Variants in SIPA1L1 observed in about 807,000 individuals in gnomAD.
SIPA1L1 encodes the protein signal-induced proliferation-associated 1-like protein 1.
SIPA1L1 carries 26 observed loss-of-function variants against 162.7 expected under a neutral mutation model. That is an observed-to-expected ratio of 0.16 (90% CI 0.12 to 0.22). The LOEUF is 0.22. SIPA1L1 is among the 10% of genes least tolerant of loss of function. The pLI is 1.00. For missense variants in SIPA1L1, 1,874 were observed against 2,241.0 expected (o/e 0.84, Z 3.31); for synonymous variants, 829 against 837.4 (o/e 0.99, Z 0.17).
At chr14:71,457,731 A>T (rs2046293838) in intron 2 of SIPA1L1, among the ~76,000 whole-genome samples, 1 of 151,920 alleles carries the variant, frequency 6.6e-6, no homozygotes, top group Non-Finnish European at 1.5e-5. Flanking sequence ...AGTAGCTGGG[A>T]TTACAGGTGC....
chr14:71,493,510 T>A (rs2049464760), intron 2 of SIPA1L1, among the ~76,000 whole-genome samples: 1 of 152,230 alleles, frequency 6.6e-6, no homozygotes, highest in South Asian at 2.1e-4. Context: ...ACAATTAAAT[T>A]GATTAACCAG....
chr14:71,333,642 G>C (rs1220903078), intron 2 of SIPA1L1, among the ~76,000 whole-genome samples: 2 of 152,168 alleles, frequency 1.3e-5, no homozygotes, highest in Non-Finnish European at 2.9e-5. Flanking sequence ...TTACTAATCA[G>C]CAGTATCATT....
intron 8 of SIPA1L1, among the ~76,000 whole-genome samples, chr14:71,657,622 G>T (rs922643617): frequency 6.6e-6 from 1 of 150,988 alleles, no homozygotes; most frequent in African/African-American, 2.4e-5. Context: ...ATTGTTAGAC[G>T]TTGCTGTGTC....
At chr14:71,639,549 T>A (rs770690490) in intron 7 of SIPA1L1, among the ~76,000 whole-genome samples, 1 of 152,178 alleles carries the variant, frequency 6.6e-6, no homozygotes, top group Non-Finnish European at 1.5e-5. Context: ...CCGCCAAGGT[T>A]TTTTTGTGGT....
In SIPA1L1 at chr14:71,588,964, C is replaced by T. The variant is rs144648264; in HGVS notation, c.1092C>T (p.Ser364=). 1.2e-3 allele frequency: 1,961 copies of T among 1,614,062 alleles called. 2 individuals carry two copies. The highest frequency in any genetic ancestry group is 1.3e-3 in the Non-Finnish European group (1,526 of 1,179,956). Residue 364 remains serine, a synonymous_variant, in exon 5 of 24, where the codon TCC becomes TCT. Transcript: ENST00000381232. The surrounding 1 kb of genome is among the most constrained non-coding windows in gnomAD (Gnocchi z 4.3). ...IKRRNTTTGA[S]AAAVASLVSG... ...GGAGAAACACCACCACTGGAGCTTC[C>T]GCAGCTGCCGTGGCATCCTTGGTCT...
At chr14:71,702,564 C>G (rs765901614) in intron 15 of SIPA1L1, 59 bp downstream of exon 15, 47 of 1,437,684 alleles carry the variant, frequency 3.3e-5, no homozygotes, top group Non-Finnish European at 4.4e-5. Flanking sequence ...TAGGTCACCT[C>G]TTGATGATGT....
intron 7 of SIPA1L1, among the ~76,000 whole-genome samples, chr14:71,640,716 C>A (rs767924733): frequency 2.6e-5 from 4 of 152,208 alleles, no homozygotes; most frequent in Non-Finnish European, 5.9e-5. Context: ...CCTCCGCCTC[C>A]TGAGTTTAAG....
At chr14:71,597,952 C>T (rs1239442672) in intron 5 of SIPA1L1, among the ~76,000 whole-genome samples, 1 of 152,180 alleles carries the variant, frequency 6.6e-6, no homozygotes. Context: ...TCAGGTTTTA[C>T]AAATGAATGA....
intron 2 of SIPA1L1, among the ~76,000 whole-genome samples, chr14:71,406,840 G>A (rs183679180): frequency 5.3e-5 from 8 of 152,296 alleles, no homozygotes; most frequent in Admixed American, 5.2e-4. Context: ...AAGTGCCTGT[G>A]GATGAATTTA....
At chr14:71,494,456 T>G (rs2049553917) in intron 2 of SIPA1L1, among the ~76,000 whole-genome samples, 1 of 151,992 alleles carries the variant, frequency 6.6e-6, no homozygotes, top group Non-Finnish European at 1.5e-5. Flanking sequence ...TTTTTGGATG[T>G]TAAACCATAC....
chr14:71,362,645 A>G (rs957336707), intron 2 of SIPA1L1, among the ~76,000 whole-genome samples: 1 of 152,094 alleles, frequency 6.6e-6, no homozygotes, highest in African/African-American at 2.4e-5. Context: ...CAAATTAATT[A>G]TTTCCCCCTT....
At chr14:71,414,093 A>G (rs1273240341) in intron 2 of SIPA1L1, 4 of 152,010 alleles carry the variant, frequency 2.6e-5, no homozygotes, top group African/African-American at 9.7e-5. Context: ...AAGACCTGCT[A>G]TTTGGCCAGG....
chr14:71,730,072 T>C lies in SIPA1L1; in HGVS notation c.4632T>C (p.Ser1544=), dbSNP rs750294901. 67 of 1,613,958 alleles carry C rather than the reference T, an allele frequency of 4.2e-5. No individual in the cohort carries two copies. The highest frequency in any genetic ancestry group is 5.6e-5 in the Non-Finnish European group (66 of 1,180,004). The change falls in exon 20 of 24, where the codon TCT becomes TCC. Residue 1544 remains serine (S), a synonymous_variant. Coordinates refer to ENST00000381232, the MANE Select transcript of SIPA1L1 (RefSeq NM_001386936.1). ...TTTTTCAGTTCCACGCACTCTCCTCTCCTCAGTCTCCTTTCCCCAGCACCC... is the reference window on the plus strand; with the variant it reads ...TTTTTCAGTTCCACGCACTCTCCTCCCCTCAGTCTCCTTTCCCCAGCACCC... ...QKSFKFHALS[S]PQSPFPSTPT...
intron 15 of SIPA1L1, chr14:71,704,928 A>G (rs1016000575): frequency 2.9e-5 from 19 of 663,822 alleles, no homozygotes; most frequent in Non-Finnish European, 5.0e-5. Context: ...TTTTCCCCCA[A>G]ACCAAAAGTT....
intron 12 of SIPA1L1, among the ~76,000 whole-genome samples, chr14:71,679,165 A>C (rs1007771912): frequency 6.6e-6 from 1 of 152,200 alleles, no homozygotes; most frequent in Non-Finnish European, 1.5e-5. Flanking sequence ...TGAAGGAAAA[A>C]GTGTTAAGGG....
Position 71,704,612 on chromosome 14 carries a change from T to C in SIPA1L1, c.3647-610T>C, listed in dbSNP as rs971078856. ...TATAGTGGTGTTATGGAGGATAAAT[T>C]CTTTATCTCTCACTTTTGGAACCCC... On this transcript the variant is annotated intron_variant, in intron 15 of 23. Transcript: ENST00000381232. 6 of 738,746 alleles carry C rather than the reference T, an allele frequency of 8.1e-6. No individual in the cohort carries two copies. In the African/African-American group the frequency reaches 1.0e-4, roughly 13 times the overall value. 45.8% of individuals were successfully genotyped at this position (738,746 alleles called of 1,614,324 possible). A position where few individuals can be genotyped will look rare whatever the true frequency, so the allele number is the denominator to read the frequency against.
intron 2 of SIPA1L1, among the ~76,000 whole-genome samples, chr14:71,455,723 G>C (rs2046139699): frequency 6.6e-6 from 1 of 152,070 alleles, no homozygotes; most frequent in Admixed American, 6.5e-5. Flanking sequence ...GGGTAAATTG[G>C]TTTCTACAAG....
At position 71,702,460 on chromosome 14, in the gene SIPA1L1, A is replaced by G. The variant is rs765462173; in HGVS notation, c.3601A>G (p.Thr1201Ala). 3.1e-6 allele frequency: 5 copies of G among 1,614,092 alleles called. No individual in the cohort carries two copies. The highest frequency in any genetic ancestry group is 1.7e-5 in the Admixed American group (1 of 60,004). The part of the protein sequence containing the change: ...QSDIGGSGKS[T>A]PSWQRSEDSI... ...AGATATTGGTGGCAGCGGAAAATCC[A>G]CGCCTAGCTGGCAAAGAAGTGAGGA... The change falls in exon 15 of 24, where the codon ACG becomes GCG. Residue 1201 changes from threonine (T) to alanine (A), a missense_variant. Thr to Ala is a moderately conservative substitution (Grantham distance 58). Transcript: ENST00000381232.
intron 7 of SIPA1L1, among the ~76,000 whole-genome samples, chr14:71,625,251 C>T (rs1197600687): frequency 6.6e-6 from 1 of 151,298 alleles, no homozygotes; most frequent in Non-Finnish European, 1.5e-5. Context: ...TTAATTCAGC[C>T]ACTGAGAATA....
Sources: gnomAD v4.1 joint callset for allele counts (sites outside exome capture counted in the v4.1 genomes callset) on GRCh38, gnomAD v4.1.1 for gene constraint, Gnocchi (gnomAD v3.1) non-coding constraint, MANE v1.5 for transcripts, NCBI Gene and HGNC (gene_info 2026-07-23, HGNC 2026-07-21) for gene names.